PARD3: variants seen among roughly 807,000 people sequenced by gnomAD.
PARD3 encodes par-3 family cell polarity regulator.
Under a neutral mutation model 155.4 loss-of-function variants are expected in PARD3, and 75 were observed. The observed-to-expected ratio is 0.48, with a 90% CI of 0.40 to 0.58. The LOEUF (loss-of-function observed/expected upper bound fraction) is 0.58. Ranked by LOEUF, PARD3 falls within the 20% of genes least tolerant of loss-of-function variation. The probability of loss-of-function intolerance (pLI) is 0.00; values close to 1 mark genes in which losing one functional copy is unlikely to be tolerated. For synonymous variants in PARD3, 576 were observed against 610.5 expected (o/e 0.94, Z 0.83); for missense variants, 1,642 against 1,721.7 (o/e 0.95, Z 0.82).
intron 1 of PARD3, among the ~76,000 whole-genome samples, chr10:34,795,530 T>G (rs1258776023): frequency 2.0e-5 from 3 of 151,924 alleles, no homozygotes. Flanking sequence ...GAGAATCACT[T>G]GAGCCCAGCA....
intron 3 of PARD3, among the ~76,000 whole-genome samples, chr10:34,475,371 T>C (rs549109928): frequency 5.6e-4 from 85 of 152,316 alleles, no homozygotes; most frequent in African/African-American, 1.9e-3. Flanking sequence ...TGAAAAAGTA[T>C]ATAAAGGAAA....
At chr10:34,165,771 T>C (rs1949499178) in intron 22 of PARD3, among the ~76,000 whole-genome samples, 1 of 152,214 alleles carries the variant, frequency 6.6e-6, no homozygotes, top group Non-Finnish European at 1.5e-5. Flanking sequence ...TTACTGCTCA[T>C]CTTTTACATC....
chr10:34,802,358 G>C lies in PARD3; in HGVS notation c.120+12518C>G, dbSNP rs1160909172. Among the ~76,000 whole-genome samples the C allele has an allele frequency of 3.3e-5, 5 of 151,536 alleles. No homozygotes were observed. In the East Asian group the frequency reaches 9.7e-4, roughly 29 times the overall value. ...TGATGTCATAAACAAGAATCAAGCTGATTTTGTGAAATAGCCATTAAAATT... is the reference window on the plus strand; with the variant it reads ...TGATGTCATAAACAAGAATCAAGCTCATTTTGTGAAATAGCCATTAAAATT... On this transcript the variant is annotated intron_variant, in intron 1 of 24. Transcript: ENST00000374788.
chr10:34,516,873 A>T, intron 3 of PARD3, 106 bp downstream of exon 3: 1 of 1,130,704 alleles, frequency 8.8e-7, no homozygotes, highest in South Asian at 1.6e-5. Flanking sequence ...TAATTTTTGA[A>T]TAAAACAGAT....
intron 22 of PARD3, among the ~76,000 whole-genome samples, chr10:34,245,449 T>G (rs962642590): frequency 7.3e-6 from 1 of 136,814 alleles, no homozygotes; most frequent in African/African-American, 2.5e-5. Flanking sequence ...AGAGGGTGAG[T>G]GAGGCCACCC....
At chr10:34,709,415 C>G (rs2094417466) in intron 1 of PARD3, among the ~76,000 whole-genome samples, 1 of 152,108 alleles carries the variant, frequency 6.6e-6, no homozygotes, top group African/African-American at 2.4e-5. Context: ...TACACACACG[C>G]AGGAATAAAT....
intron 1 of PARD3, among the ~76,000 whole-genome samples, chr10:34,704,058 G>A (rs991373963): frequency 6.6e-6 from 1 of 152,174 alleles, no homozygotes. Context: ...CCGGGACGAT[G>A]GTGAAGGTGG....
rs145868644 is a variant in PARD3, at chr10:34,574,065, A to G, written c.223-56906T>C. Among the ~76,000 whole-genome samples, 446 of 152,174 alleles carry G rather than the reference A, an allele frequency of 2.9e-3. 1 individual carries two copies. The highest frequency in any genetic ancestry group is 4.8e-3 in the Non-Finnish European group (324 of 68,008). On this transcript the variant is annotated intron_variant, in intron 2 of 24. Transcript: ENST00000374788. ...TCCTATAATGTTAATATTATAAATTAATATAGTATATTCTATAAGAATTCA... is the reference window on the plus strand; with the variant it reads ...TCCTATAATGTTAATATTATAAATTGATATAGTATATTCTATAAGAATTCA...
intron 20 of PARD3, among the ~76,000 whole-genome samples, chr10:34,310,386 C>A (rs763059532): frequency 2.0e-5 from 3 of 152,224 alleles, no homozygotes; most frequent in Non-Finnish European, 4.4e-5. Flanking sequence ...CCATTTTCCA[C>A]ACAGCCTGGA....
intron 2 of PARD3, among the ~76,000 whole-genome samples, chr10:34,618,716 A>G (rs1386810616): frequency 2.6e-5 from 4 of 152,174 alleles, no homozygotes; most frequent in Non-Finnish European, 2.9e-5. Context: ...TTTCCAAAAT[A>G]TCACACTCTA....
intron 2 of PARD3, among the ~76,000 whole-genome samples, chr10:34,667,636 T>C (rs112045308): frequency 1.2e-4 from 18 of 152,352 alleles, no homozygotes; most frequent in African/African-American, 3.1e-4. Context: ...TGCTAGATGA[T>C]TCTAAGCATT....
chr10:34,420,325 A>C (rs987189301), intron 5 of PARD3, among the ~76,000 whole-genome samples: 2 of 152,210 alleles, frequency 1.3e-5, no homozygotes, highest in Non-Finnish European at 2.9e-5. Flanking sequence ...ATTTCTGTAG[A>C]TACGTGAAGA....
At chr10:34,404,745 C>A (rs536507190) in intron 5 of PARD3, among the ~76,000 whole-genome samples, 1 of 152,076 alleles carries the variant, frequency 6.6e-6, no homozygotes, top group Non-Finnish European at 1.5e-5. Flanking sequence ...AAGTTATGTA[C>A]CTTTCCATGT....
intron 5 of PARD3, among the ~76,000 whole-genome samples, chr10:34,408,433 A>G (rs1447052605): frequency 2.0e-5 from 3 of 152,200 alleles, no homozygotes; most frequent in South Asian, 2.1e-4. Flanking sequence ...GAGCTATGGT[A>G]TCCTAGAGAA....
chr10:34,464,148 A>T (rs1035530978), intron 4 of PARD3, among the ~76,000 whole-genome samples: 1 of 152,110 alleles, frequency 6.6e-6, no homozygotes, highest in Non-Finnish European at 1.5e-5. Flanking sequence ...GAGCCCTGAA[A>T]ACCACAGAAG....
At chr10:34,463,475 G>C (rs1293702690) in intron 4 of PARD3, among the ~76,000 whole-genome samples, 1 of 152,094 alleles carries the variant, frequency 6.6e-6, no homozygotes, top group African/African-American at 2.4e-5. Flanking sequence ...TTTTCATTAA[G>C]GCTTCTATCT....
intron 20 of PARD3, among the ~76,000 whole-genome samples, chr10:34,313,073 A>G (rs981971490): frequency 6.6e-6 from 1 of 152,218 alleles, no homozygotes; most frequent in Non-Finnish European, 1.5e-5. Flanking sequence ...ATTAAAAAAC[A>G]TATCTCCCTC....
intron 2 of PARD3, among the ~76,000 whole-genome samples, chr10:34,694,470 CTTTT>C (rs34628015): frequency 6.9e-5 from 7 of 101,888 alleles, no homozygotes; most frequent in African/African-American, 2.4e-4. Flanking sequence ...AAAACTTCTG[CTTTT>C]TTTTTTTTTT....
intron 22 of PARD3, among the ~76,000 whole-genome samples, chr10:34,138,652 C>T (rs1421635456): frequency 8.5e-5 from 13 of 152,200 alleles, no homozygotes; most frequent in Admixed American, 8.5e-4. Context: ...GAGCTCAGGA[C>T]TTAAAAGATG....
Sources: gnomAD v4.1 joint callset for allele counts (sites outside exome capture counted in the v4.1 genomes callset) on GRCh38, gnomAD v4.1.1 for gene constraint, MANE v1.5 for transcripts, NCBI Gene and HGNC (gene_info 2026-07-23, HGNC 2026-07-21) for gene names.